HFE: variants seen among roughly 807,000 people sequenced by gnomAD.
HFE encodes homeostatic iron regulator.
HFE carries 36 observed loss-of-function variants against 40.9 expected under a neutral mutation model. That is an observed-to-expected ratio of 0.88 (90% confidence interval 0.67 to 1.16). The LOEUF (loss-of-function observed/expected upper bound fraction) is 1.16. Ranked by LOEUF, HFE falls within the 50% of genes most tolerant of loss-of-function variation. The probability of loss-of-function intolerance (pLI) is 0.00; values close to 1 mark genes in which losing one functional copy is unlikely to be tolerated. For synonymous variants in HFE, 157 were observed against 165.4 expected (o/e 0.95, Z 0.39); for missense variants, 376 against 432.0 (o/e 0.87, Z 1.15).
chr6:26,094,398 A>G lies in HFE; in HGVS notation c.*172A>G, dbSNP rs1337580601. The stretch of plus-strand genomic sequence containing the variant: ...TTCATTTCCTCAAAAAGATTTCCCC[A>G]TTTAGGTTTCTGAGTTCCTGCATGC... On this transcript the variant is annotated 3_prime_UTR_variant, in exon 6 of 6. Transcript: ENST00000357618. 1 of 735,082 alleles carries G rather than the reference A, an allele frequency of 1.4e-6. No individual in the cohort carries two copies. Among genetic ancestry groups the G allele is most frequent in the Non-Finnish European group, 2.4e-6 (1 of 413,390 alleles). The allele number at this position is 735,082 out of a possible 1,614,324, so 45.5% of individuals were successfully genotyped here. A position where few individuals can be genotyped will look rare whatever the true frequency, so the allele number is the denominator to read the frequency against.
rs1418328387 is a variant in HFE, at chr6:26,092,938, T to C, written c.870T>C (p.Asp290=). ...YTCQVEHPGL[D]QPLIVIWEPS... is the part of the protein sequence containing the mutation. ...GCCAGGTGGAGCACCCAGGCCTGGA[T>C]CAGCCCCTCATTGTGATCTGGGGTA... The change falls in exon 4 of 6, where the codon GAT becomes GAC. Residue 290 remains aspartate (D), a synonymous_variant. Coordinates refer to ENST00000357618, the MANE Select transcript of HFE (RefSeq NM_000410.4). 6.2e-7 allele frequency: 1 copy of C among 1,613,988 alleles called. No homozygotes were observed. The highest frequency in any genetic ancestry group is 1.7e-5 in the Admixed American group (1 of 60,002).
At chr6:26,088,585 G>A (rs552116857) in intron 1 of HFE, among the ~76,000 whole-genome samples, 1 of 152,314 alleles carries the variant, frequency 6.6e-6, no homozygotes, top group South Asian at 2.1e-4. Context: ...TTGGTACTAC[G>A]TGTATCCACA....
At position 26,096,106 on chromosome 6, in the gene HFE, T is replaced by C. The variant is rs1763015040; in HGVS notation, c.*1880T>C. 6.4e-6 allele frequency: 1 copy of C among 156,672 alleles called. No homozygotes were observed. Among genetic ancestry groups the C allele is most frequent in the Non-Finnish European group, 1.4e-5 (1 of 71,250 alleles). The allele number at this position is 156,672 out of a possible 1,614,324, so 9.7% of individuals were successfully genotyped here. Reference sequence around the variant, plus strand: ...AAATCTAACCAGGACATTCAGGAATTGCTAGATTCTGGGAAATCAGTTCAC... The same window carrying C: ...AAATCTAACCAGGACATTCAGGAATCGCTAGATTCTGGGAAATCAGTTCAC... On this transcript the variant is annotated 3_prime_UTR_variant, in exon 6 of 6. Coordinates refer to ENST00000357618, the MANE Select transcript of HFE (RefSeq NM_000410.4).
chr6:26,088,585 G>T (rs552116857), intron 1 of HFE, among the ~76,000 whole-genome samples: 1 of 152,196 alleles, frequency 6.6e-6, no homozygotes. Flanking sequence ...TTGGTACTAC[G>T]TGTATCCACA....
intron 1 of HFE, among the ~76,000 whole-genome samples, 158 bp from the exon 2 acceptor site, chr6:26,090,683 C>T (rs1238317326): frequency 1.3e-5 from 2 of 152,090 alleles, no homozygotes; most frequent in African/African-American, 2.4e-5. Flanking sequence ...AAAGAGCACC[C>T]AGGACTGTCA....
chr6:26,092,297 C>T (rs866863702), intron 3 of HFE, among the ~76,000 whole-genome samples: 1 of 151,778 alleles, frequency 6.6e-6, no homozygotes, highest in African/African-American at 2.4e-5. Flanking sequence ...AAGTTTCTTT[C>T]ATAGAACATA....
intron 1 of HFE, among the ~76,000 whole-genome samples, chr6:26,088,276 A>G (rs1762427630): frequency 6.6e-6 from 1 of 152,244 alleles, no homozygotes; most frequent in Non-Finnish European, 1.5e-5. Context: ...TCTACAAAGT[A>G]CTGATAATGA....
rs772362815 is a variant in HFE, at chr6:26,092,885, C to A, written c.817C>A (p.Pro273Thr). 10 of 1,614,026 alleles carry A rather than the reference C, an allele frequency of 6.2e-6. No individual in the cohort carries two copies. The South Asian group carries it at 7.7e-5, about 12-fold the overall frequency. The change falls in exon 4 of 6, where the codon CCC (proline) becomes ACC (threonine). Residue 273 changes from proline (P) to threonine (T), a missense_variant. Pro to Thr is a conservative substitution (Grantham distance 38). Transcript: ENST00000357618. ...CCAGGGCTGGATAACCTTGGCTGTA[C>A]CCCCTGGGGAAGAGCAGAGATATAC... ...TYQGWITLAV[P>T]PGEEQRYTCQ...
intron 1 of HFE, among the ~76,000 whole-genome samples, chr6:26,089,119 G>A (rs1181343011): frequency 1.4e-5 from 2 of 144,326 alleles, no homozygotes; most frequent in East Asian, 4.3e-4. Context: ...GGGGGGGGGG[G>A]GCGGCGTGGG....
At position 26,090,932 on chromosome 6, in the gene HFE, G is replaced by C. The variant is rs1762651942; in HGVS notation, c.168G>C (p.Gln56His). Reference sequence around the variant, plus strand: ...AAGCTTTGGGCTACGTGGATGACCAGCTGTTCGTGTTCTATGATCATGAGA... The same window carrying C: ...AAGCTTTGGGCTACGTGGATGACCACCTGTTCGTGTTCTATGATCATGAGA... ...LFEALGYVDD[Q>H]LFVFYDHESR... The change falls in exon 2 of 6, where the codon CAG becomes CAC. Residue 56 changes from glutamine (Q) to histidine (H), a missense_variant. This residue lies in a region of HFE where 200 missense variants were observed against 228.5 expected (regional missense o/e 0.88). Transcript: ENST00000357618. 1 of 1,614,060 alleles carries C rather than the reference G, an allele frequency of 6.2e-7. No individual in the cohort carries two copies. Among genetic ancestry groups the C allele is most frequent in the African/African-American group, 1.3e-5 (1 of 74,914 alleles).
chr6:26,092,570 T>C, intron 3 of HFE, 115 bp from the exon 4 acceptor site: 2 of 1,601,110 alleles, frequency 1.2e-6, no homozygotes, highest in East Asian at 4.5e-5. Flanking sequence ...TGTAGCTTGT[T>C]TTTTTCTGAA....
At chr6:26,088,326 T>A (rs890790109) in intron 1 of HFE, among the ~76,000 whole-genome samples, 1 of 152,218 alleles carries the variant, frequency 6.6e-6, no homozygotes, top group Admixed American at 6.5e-5. Flanking sequence ...TACATTCATA[T>A]CTGATCTTAT....
chr6:26,094,556 AGAG>A lies in HFE; in HGVS notation c.*333_*335del. ...TGTCATTTCATTTCCTATTTTTGGA[AGAG>A]GACTCCTTAAATTTGGGGGACTTAC... On this transcript the variant is annotated 3_prime_UTR_variant, in exon 6 of 6. Coordinates refer to ENST00000357618, the MANE Select transcript of HFE (RefSeq NM_000410.4). 1 of 670,056 alleles carries A rather than the reference AGAG, an allele frequency of 1.5e-6. No homozygotes were observed. The highest frequency in any genetic ancestry group is 2.7e-6 in the Non-Finnish European group (1 of 370,786). The allele number at this position is 670,056 out of a possible 1,614,324, so 41.5% of individuals were successfully genotyped here.
Position 26,089,112 on chromosome 6 carries a change from G to GC in HFE, c.76+1596_76+1597insC, listed in dbSNP as rs1182767101. Among the ~76,000 whole-genome samples, 258 of 138,682 alleles carry GC rather than the reference G, an allele frequency of 1.9e-3. 3 individuals carry two copies. Among genetic ancestry groups the GC allele is most frequent in the Non-Finnish European group, 3.0e-3 (193 of 64,950 alleles). 91.0% of individuals were successfully genotyped at this position (138,682 alleles called of 152,430 possible). On this transcript the variant is annotated intron_variant, in intron 1 of 5. Coordinates refer to ENST00000357618, the MANE Select transcript of HFE (RefSeq NM_000410.4). ...CACTACTCATGTGTGTGTGTGTGGGGGGGGGGGGCGGCGTGGGGGTGGGAA... is the reference window on the plus strand; with the variant it reads ...CACTACTCATGTGTGTGTGTGTGGGGCGGGGGGGGCGGCGTGGGGGTGGGAA...
chr6:26,097,437 A>G lies in HFE; in HGVS notation c.*3211A>G, dbSNP rs1470187201. On this transcript the variant is annotated 3_prime_UTR_variant, in exon 6 of 6. Coordinates refer to ENST00000357618, the MANE Select transcript of HFE (RefSeq NM_000410.4). ...TTATTCACCTCTGGCAAAACCATTC[A>G]CAAACCATGGTAGTAAAGAGAAGGG... 1 of 152,212 alleles carries G rather than the reference A, an allele frequency of 6.6e-6. No individual in the cohort carries two copies. Among genetic ancestry groups the G allele is most frequent in the Non-Finnish European group, 1.5e-5 (1 of 68,048 alleles). 9.4% of individuals were successfully genotyped at this position (152,212 alleles called of 1,614,324 possible).
At chr6:26,090,151 T>C (rs989018877) in intron 1 of HFE, among the ~76,000 whole-genome samples, 6 of 151,930 alleles carry the variant, frequency 3.9e-5, no homozygotes, top group African/African-American at 1.5e-4. Context: ...AGTGTAAGAA[T>C]TCAGGACCAA....
Position 26,092,694 on chromosome 6 carries a change from T to C in HFE, c.626T>C (p.Leu209Ser). ...RGVLDQQVPP[L>S]VKVTHHVTSS... The stretch of plus-strand genomic sequence containing the variant: ...CCTCTTTCCTGTCAAGTGCCTCCTT[T>C]GGTGAAGGTGACACATCATGTGACC... The change falls in exon 4 of 6, where the codon TTG (leucine) becomes TCG (serine). Residue 209 changes from leucine (L) to serine (S), a missense_variant. Around this residue, in one of 3 missense-constraint regions of HFE, gnomAD observed 173 missense variants for 186.9 expected, o/e 0.93. Coordinates refer to ENST00000357618, the MANE Select transcript of HFE (RefSeq NM_000410.4). 1.2e-6 allele frequency: 2 copies of C among 1,614,158 alleles called. No individual in the cohort carries two copies. Among genetic ancestry groups the C allele is most frequent in the African/African-American group, 1.3e-5 (1 of 75,050 alleles).
rs1187237896 is a variant in HFE, at chr6:26,095,785, A to G, written c.*1559A>G. 6.6e-6 allele frequency: 1 copy of G among 152,262 alleles called. No individual in the cohort carries two copies. Among genetic ancestry groups the G allele is most frequent in the Non-Finnish European group, 1.5e-5 (1 of 68,070 alleles). 9.4% of individuals were successfully genotyped at this position (152,262 alleles called of 1,614,324 possible). A position where few individuals can be genotyped will look rare whatever the true frequency, so the allele number is the denominator to read the frequency against. On this transcript the variant is annotated 3_prime_UTR_variant, in exon 6 of 6. Transcript: ENST00000357618. Reference sequence around the variant, plus strand: ...TCATGTTTCCTTTAAAAGTCCCTGAAGGAAGGTCCTGGAATGTGACTCCCT... The same window carrying G: ...TCATGTTTCCTTTAAAAGTCCCTGAGGGAAGGTCCTGGAATGTGACTCCCT...
intron 3 of HFE, 170 bp from the exon 4 acceptor site, chr6:26,092,515 C>A: frequency 9.4e-7 from 1 of 1,066,878 alleles, no homozygotes; most frequent in Admixed American, 1.9e-5. Flanking sequence ...CTCCAAGTGA[C>A]ACTGTGTTAG....
Sources: allele counts gnomAD v4.1 joint callset (sites outside exome capture counted in the v4.1 genomes callset), GRCh38; gene constraint gnomAD v4.1.1; regional missense constraint gnomAD v4.1.1; transcripts MANE v1.5; gene names NCBI Gene and HGNC (gene_info 2026-07-23, HGNC 2026-07-21).